NTM: variants seen among roughly 807,000 people sequenced by gnomAD.
NTM encodes the protein IgLON family member 2.
NTM carries 13 observed loss-of-function variants against 42.1 expected under a neutral mutation model. That is an observed-to-expected ratio of 0.31 (90% confidence interval 0.20 to 0.49). The LOEUF (loss-of-function observed/expected upper bound fraction) is 0.49, where lower values mean the gene tolerates loss of function less well. Among genes scored for constraint, NTM ranks in the 20% least tolerant of loss-of-function variants. NTM has a pLI of 0.99. For missense variants in NTM, 373 were observed against 452.8 expected (o/e 0.82, Z 1.60); for synonymous variants, 187 against 179.2 (o/e 1.04, Z -0.35).
intron 2 of NTM, among the ~76,000 whole-genome samples, chr11:132,078,467 G>A (rs1034067449): frequency 6.6e-5 from 10 of 152,184 alleles, no homozygotes; most frequent in African/African-American, 2.2e-4. Flanking sequence ...TTCAGAAAAT[G>A]AACTGCTTCT....
intron 1 of NTM, among the ~76,000 whole-genome samples, chr11:131,435,193 C>G (rs1185692038): frequency 2.6e-5 from 4 of 152,104 alleles, no homozygotes; most frequent in Admixed American, 2.0e-4. Context: ...GTTACTGTAG[C>G]CTTGTATTAT....
intron 1 of NTM, among the ~76,000 whole-genome samples, chr11:131,475,626 C>T (rs955281598): frequency 3.3e-5 from 5 of 151,936 alleles, no homozygotes; most frequent in Admixed American, 6.6e-5. Context: ...ATTTAGATCA[C>T]TTAAAATGAG....
At chr11:132,100,762 A>T (rs1566159105) in intron 2 of NTM, among the ~76,000 whole-genome samples, 1 of 152,166 alleles carries the variant, frequency 6.6e-6, no homozygotes, top group Admixed American at 6.6e-5. Flanking sequence ...CCACGCATAC[A>T]TATACAGACA....
At chr11:131,993,817 A>T (rs899737314) in intron 2 of NTM, among the ~76,000 whole-genome samples, 1 of 151,994 alleles carries the variant, frequency 6.6e-6, no homozygotes. Context: ...CCTGGCCAAG[A>T]TGGTAGAAAC....
At chr11:132,015,977 G>A (rs1192053785) in intron 2 of NTM, among the ~76,000 whole-genome samples, 1 of 151,860 alleles carries the variant, frequency 6.6e-6, no homozygotes. Flanking sequence ...AGTGAAAGTG[G>A]GTATCCTAGT....
intron 3 of NTM, among the ~76,000 whole-genome samples, chr11:132,154,611 T>A (rs2072750260): frequency 6.6e-6 from 1 of 152,220 alleles, no homozygotes; most frequent in Admixed American, 6.5e-5. Context: ...AGGGTGAGGA[T>A]GCTGCCGAGG....
At chr11:131,872,506 C>T (rs1350594788) in intron 1 of NTM, among the ~76,000 whole-genome samples, 2 of 152,328 alleles carry the variant, frequency 1.3e-5, no homozygotes, top group East Asian at 3.9e-4. Context: ...ATCCTGCTCA[C>T]ATTACCAAAC....
intron 2 of NTM, among the ~76,000 whole-genome samples, chr11:131,917,411 C>G (rs773725677): frequency 7.9e-5 from 12 of 152,202 alleles, no homozygotes; most frequent in Non-Finnish European, 1.3e-4. Context: ...AGTCATTGAA[C>G]TTGTGTCTGT....
intron 1 of NTM, among the ~76,000 whole-genome samples, chr11:131,646,259 A>G (rs767292353): frequency 6.6e-6 from 1 of 152,238 alleles, no homozygotes; most frequent in East Asian, 1.9e-4. Flanking sequence ...ACAACAGCAG[A>G]GCTGAATAGT....
At chr11:131,866,522 T>C (rs1488372037) in intron 1 of NTM, among the ~76,000 whole-genome samples, 2 of 152,252 alleles carry the variant, frequency 1.3e-5, no homozygotes, top group Non-Finnish European at 2.9e-5. Flanking sequence ...GGAATGAGTA[T>C]GCAAAACTAA....
chr11:131,838,932 A>C (rs1192019870), intron 1 of NTM, among the ~76,000 whole-genome samples: 2 of 152,006 alleles, frequency 1.3e-5, no homozygotes, highest in Non-Finnish European at 2.9e-5. Flanking sequence ...GTGGACAGAC[A>C]ATCAATGGTA....
chr11:131,736,826 G>T (rs1404641052), intron 1 of NTM, among the ~76,000 whole-genome samples: 1 of 152,210 alleles, frequency 6.6e-6, no homozygotes, highest in Non-Finnish European at 1.5e-5. Context: ...TGTCATCCCT[G>T]CTTCCAGCCT....
chr11:132,222,265 G>C (rs1468087203), intron 4 of NTM, among the ~76,000 whole-genome samples: 1 of 152,156 alleles, frequency 6.6e-6, no homozygotes, highest in Non-Finnish European at 1.5e-5. Flanking sequence ...CTTCCACCTG[G>C]ATGGCCGTGG....
intron 1 of NTM, among the ~76,000 whole-genome samples, chr11:131,431,992 T>C (rs1194045625): frequency 6.6e-6 from 1 of 152,204 alleles, no homozygotes; most frequent in Non-Finnish European, 1.5e-5. Flanking sequence ...TTCTTATGTT[T>C]GATGATTCCT....
intron 2 of NTM, among the ~76,000 whole-genome samples, chr11:131,990,863 C>T (rs2066896056): frequency 6.6e-6 from 1 of 152,070 alleles, no homozygotes; most frequent in African/African-American, 2.4e-5. Flanking sequence ...CATATATGTT[C>T]TATTAAAAAT....
intron 4 of NTM, among the ~76,000 whole-genome samples, chr11:132,236,696 C>A (rs1406922208): frequency 1.3e-5 from 2 of 152,224 alleles, no homozygotes; most frequent in East Asian, 1.9e-4. Flanking sequence ...AAAGGCAGAG[C>A]AAGCCAGACT....
chr11:131,659,904 A>G (rs1169431358), intron 1 of NTM, among the ~76,000 whole-genome samples: 1 of 152,216 alleles, frequency 6.6e-6, no homozygotes, highest in Non-Finnish European at 1.5e-5. Context: ...AGAAGAGTCT[A>G]AAAGGAAATG....
At chr11:132,194,962 A>G (rs1008572773) in intron 3 of NTM, among the ~76,000 whole-genome samples, 1 of 151,708 alleles carries the variant, frequency 6.6e-6, no homozygotes. Context: ...AGCTGGGATT[A>G]CAGGCCTGTG....
chr11:131,802,021 A>T (rs983855040), intron 1 of NTM, among the ~76,000 whole-genome samples: 1 of 150,668 alleles, frequency 6.6e-6, no homozygotes, highest in African/African-American at 2.4e-5. Context: ...TAATTTTTTT[A>T]GGTGCAGTAT....
Sources: gnomAD v4.1 joint callset for allele counts (sites outside exome capture counted in the v4.1 genomes callset) on GRCh38, gnomAD v4.1.1 for gene constraint, MANE v1.5 for transcripts, NCBI Gene and HGNC (gene_info 2026-07-23, HGNC 2026-07-21) for gene names.